MTHFD1L: variants seen among roughly 807,000 people sequenced by gnomAD.
MTHFD1L encodes the protein monofunctional C1-tetrahydrofolate synthase, mitochondrial.
Under a neutral mutation model 119.5 loss-of-function variants are expected in MTHFD1L, and 81 were observed. That is an observed-to-expected ratio of 0.68 (90% confidence interval 0.57 to 0.82). The LOEUF (loss-of-function observed/expected upper bound fraction) is 0.82. MTHFD1L is among the 40% of genes least tolerant of loss of function. The probability of loss-of-function intolerance (pLI) is 0.00; values close to 1 mark genes in which losing one functional copy is unlikely to be tolerated. For synonymous variants in MTHFD1L, 430 were observed against 475.2 expected, an observed-to-expected ratio of 0.90 and a Z score of 1.24; for missense variants, 1,125 against 1,253.4, an observed-to-expected ratio of 0.90 and a Z score of 1.55.
chr6:150,979,753 G>A (rs1777172358), intron 20 of MTHFD1L, among the ~76,000 whole-genome samples: 1 of 152,022 alleles, frequency 6.6e-6, no homozygotes, highest in South Asian at 2.1e-4. Context: ...ACTCACCCCT[G>A]CCTCCCAAAG....
chr6:151,004,683 G>C (rs1403546400), intron 20 of MTHFD1L, among the ~76,000 whole-genome samples: 2 of 152,164 alleles, frequency 1.3e-5, no homozygotes, highest in Non-Finnish European at 2.9e-5. Flanking sequence ...TCCCAACTCA[G>C]ACCCACTGAC....
In MTHFD1L at chr6:150,936,897, C is replaced by T; in HGVS notation, c.1350C>T (p.Ala450=). The T allele has an allele frequency of 6.2e-7, 1 of 1,614,196 alleles. No homozygotes were observed. Among genetic ancestry groups the T allele is most frequent in the Non-Finnish European group, 8.5e-7 (1 of 1,180,018 alleles). ...CACACCTGAATGTCAACTCCTTTGC[C>T]TGCTTGAGGCAGCCTTCCCAAGGAC... ...LTAHLNVNSF[A]CLRQPSQGPT... Residue 450 remains alanine (A), a synonymous_variant, in exon 12 of 28, where the codon GCC becomes GCT. Transcript: ENST00000367321.
chr6:150,878,426 A>G (rs1233818018), intron 4 of MTHFD1L, among the ~76,000 whole-genome samples: 1 of 152,030 alleles, frequency 6.6e-6, no homozygotes, highest in African/African-American at 2.4e-5. Context: ...TAATTTTTGT[A>G]TCTTTAGTAG....
At chr6:150,876,069 T>G (rs1394855088) in intron 1 of MTHFD1L, 21 bp from the exon 2 acceptor site, 1 of 1,534,026 alleles carries the variant, frequency 6.5e-7, no homozygotes, top group African/African-American at 1.4e-5. Flanking sequence ...AATCACAATG[T>G]TGTTTTCTTT....
At chr6:150,938,566 A>G in intron 12 of MTHFD1L, 133 bp from the exon 13 acceptor site, 1 of 849,144 alleles carries the variant, frequency 1.2e-6, no homozygotes, top group South Asian at 1.5e-5. Context: ...AGTGTCTCTC[A>G]CTGCCTTTTG....
intron 26 of MTHFD1L, among the ~76,000 whole-genome samples, chr6:151,053,606 T>A (rs1409464768): frequency 6.6e-6 from 1 of 152,144 alleles, no homozygotes; most frequent in Non-Finnish European, 1.5e-5. Flanking sequence ...ATGCCTATAA[T>A]CTCAGCACTT....
intron 26 of MTHFD1L, among the ~76,000 whole-genome samples, chr6:151,068,874 G>A (rs895994603): frequency 6.6e-6 from 1 of 152,124 alleles, no homozygotes; most frequent in South Asian, 2.1e-4. Flanking sequence ...AATAGTAGCA[G>A]TACTCGTGCA....
intron 7 of MTHFD1L, among the ~76,000 whole-genome samples, chr6:150,897,039 C>T (rs1295299506): frequency 2.0e-5 from 3 of 152,018 alleles, no homozygotes; most frequent in Non-Finnish European, 2.9e-5. Flanking sequence ...ATAGCATGAA[C>T]CCGGGAGGTG....
intron 27 of MTHFD1L, chr6:151,099,790 C>A: frequency 6.2e-7 from 1 of 1,607,158 alleles, no homozygotes. Context: ...GGAAGTGCTG[C>A]TGATGTGCAA....
At chr6:150,984,885 A>G (rs1335937729) in intron 20 of MTHFD1L, among the ~76,000 whole-genome samples, 1 of 152,132 alleles carries the variant, frequency 6.6e-6, no homozygotes, top group Non-Finnish European at 1.5e-5. Context: ...AAATCCAGAT[A>G]ATGGAGATGG....
intron 26 of MTHFD1L, among the ~76,000 whole-genome samples, chr6:151,048,969 A>C (rs1788548522): frequency 6.6e-6 from 1 of 152,140 alleles, no homozygotes; most frequent in African/African-American, 2.4e-5. Flanking sequence ...GTCGGATCCC[A>C]CAGATTGACG....
intron 8 of MTHFD1L, among the ~76,000 whole-genome samples, chr6:150,909,370 G>A (rs995901703): frequency 6.6e-6 from 1 of 151,628 alleles, no homozygotes; most frequent in Non-Finnish European, 1.5e-5. Context: ...TCAAACTCCT[G>A]GGCTCCAGCA....
chr6:151,001,241 G>A (rs1780578961), intron 20 of MTHFD1L, among the ~76,000 whole-genome samples: 2 of 152,132 alleles, frequency 1.3e-5, no homozygotes, highest in Admixed American at 6.5e-5. Context: ...CATGAAATCC[G>A]ACAGTTCTAA....
At chr6:151,091,245 T>TTCCTTGCGACTGGGTGCAGCATTGC in intron 26 of MTHFD1L, among the ~76,000 whole-genome samples, 1 of 36,230 alleles carries the variant, frequency 2.8e-5, no homozygotes, top group African/African-American at 1.1e-4. Context: ...TGCAGCATCG[T>TTCCTTGCGACTGGGTGCAGCATTGC]TCCATGCGAC....
intron 17 of MTHFD1L, among the ~76,000 whole-genome samples, chr6:150,959,913 T>G (rs1796187919): frequency 6.6e-6 from 1 of 152,246 alleles, no homozygotes; most frequent in East Asian, 1.9e-4. Flanking sequence ...AGTGGTAGAC[T>G]GATAATGACC....
At chr6:150,929,604 G>C (rs555387031) in intron 11 of MTHFD1L, among the ~76,000 whole-genome samples, 27 of 152,314 alleles carry the variant, frequency 1.8e-4, no homozygotes, top group African/African-American at 6.3e-4. Context: ...GCTGGAGAAT[G>C]CTAGCTAGCA....
chr6:150,894,804 A>G (rs905823011), intron 7 of MTHFD1L, among the ~76,000 whole-genome samples: 2 of 152,248 alleles, frequency 1.3e-5, no homozygotes, highest in East Asian at 1.9e-4. Context: ...GAGCCTGAGC[A>G]TGAAGAATTG....
chr6:151,055,533 T>TG (rs1460256984), intron 26 of MTHFD1L, among the ~76,000 whole-genome samples: 1 of 151,122 alleles, frequency 6.6e-6, no homozygotes, highest in African/African-American at 2.4e-5. Flanking sequence ...TTTTTTTTTT[T>TG]TTTTGTTTTT....
intron 24 of MTHFD1L, among the ~76,000 whole-genome samples, chr6:151,018,365 G>A (rs577921209): frequency 2.6e-5 from 4 of 152,282 alleles, no homozygotes; most frequent in African/African-American, 7.2e-5. Flanking sequence ...GTGAGAGAAC[G>A]GGGCTGATGT....
Sources: allele counts gnomAD v4.1 joint callset (sites outside exome capture counted in the v4.1 genomes callset), GRCh38; gene constraint gnomAD v4.1.1; transcripts MANE v1.5; gene names NCBI Gene and HGNC (gene_info 2026-07-23, HGNC 2026-07-21).